Variants in UBR4 observed in about 807,000 individuals in gnomAD.
UBR4 encodes ubiquitin protein ligase E3 component n-recognin 4.
A neutral mutation model predicts 575.6 loss-of-function variants in UBR4; 124 were observed. That is an observed-to-expected ratio of 0.22 (90% CI 0.19 to 0.25). The LOEUF is 0.25. Among genes scored for constraint, UBR4 ranks in the 10% least tolerant of loss-of-function variants. UBR4 has a pLI of 1.00. For missense variants in UBR4, 4,818 were observed against 6,478.8 expected (o/e 0.74, Z 8.80); for synonymous variants, 2,455 against 2,473.7 (o/e 0.99, Z 0.22).
chr1:19,091,627 C>A (rs1264751946), intron 97 of UBR4, among the ~76,000 whole-genome samples: 1 of 152,230 alleles, frequency 6.6e-6, no homozygotes, highest in Non-Finnish European at 1.5e-5. Flanking sequence ...CACTGCACAT[C>A]TTCCAAACAG....
chr1:19,091,439 C>A (rs1188472109), intron 97 of UBR4, among the ~76,000 whole-genome samples: 1 of 152,142 alleles, frequency 6.6e-6, no homozygotes, highest in Non-Finnish European at 1.5e-5. Context: ...CAATGCAGAA[C>A]ACTACAAACA....
chr1:19,165,292 G>A lies in UBR4; in HGVS notation c.4269C>T (p.Phe1423=). Residue 1423 remains phenylalanine, a synonymous_variant, in exon 31 of 106, where the codon TTC becomes TTT. Transcript: ENST00000375254. The part of the protein sequence containing the change: ...ATANENLSAK[F]CNRVLKFFTK... ...TGAAGAATTTCAAAACTCGGTTACA[G>A]AATTTAGCAGAGAGGTTCTCATTGG... 1 of 1,614,186 alleles carries A rather than the reference G, an allele frequency of 6.2e-7. No individual in the cohort carries two copies. The highest frequency in any genetic ancestry group is 8.5e-7 in the Non-Finnish European group (1 of 1,180,022).
chr1:19,165,698 C>G lies in UBR4; in HGVS notation c.4169G>C (p.Ser1390Thr), dbSNP rs1254369175. 1 of 1,614,218 alleles carries G rather than the reference C, an allele frequency of 6.2e-7. No individual in the cohort carries two copies. Among genetic ancestry groups the G allele is most frequent in the East Asian group, 2.2e-5 (1 of 44,888 alleles). Residue 1390 changes from serine (S) to threonine (T), a missense_variant, in exon 30 of 106, where the codon AGT becomes ACT. Physicochemically the swap from Ser to Thr is moderately conservative, Grantham distance 58. Transcript: ENST00000375254. Reference sequence around the variant, plus strand: ...CTCCATAGCTTTACGAGCCTGGCTACTTTCCAGCTGCTTTTCCAAGTACTG... The same window carrying G: ...CTCCATAGCTTTACGAGCCTGGCTAGTTTCCAGCTGCTTTTCCAAGTACTG... Reference protein sequence around the residue: ...CLQYLEKQLESSQARKAMEEF... With the variant: ...CLQYLEKQLETSQARKAMEEF...
At chr1:19,158,542 C>T (rs933710289) in intron 39 of UBR4, among the ~76,000 whole-genome samples, 5 of 152,010 alleles carry the variant, frequency 3.3e-5, no homozygotes, top group South Asian at 4.2e-4. Context: ...ACTACAGCCT[C>T]GAATTCCCCG....
chr1:19,080,983 C>A, intron 103 of UBR4: 1 of 189,964 alleles, frequency 5.3e-6, no homozygotes, highest in Non-Finnish European at 1.1e-5. Context: ...CCCCATGTGG[C>A]CACACTGAAA....
At chr1:19,145,654 G>A (rs979716518) in intron 53 of UBR4, 139 bp downstream of exon 53, 15 of 1,116,624 alleles carry the variant, frequency 1.3e-5, no homozygotes, top group Non-Finnish European at 1.8e-5. Flanking sequence ...TTATCTCGCA[G>A]ACTTCTACTT....
In UBR4 at chr1:19,084,403, C is replaced by T. The variant is rs573789477; in HGVS notation, c.15008+101G>A. The stretch of plus-strand genomic sequence containing the variant: ...GCTGCCTTAGGCCAGACGCTTGCTC[C>T]GGAACTAGCATGAGAGGCTATGAAA... On this transcript the variant is annotated intron_variant, in intron 102 of 105. Transcript: ENST00000375254. 74 of 1,288,122 alleles carry T rather than the reference C, an allele frequency of 5.7e-5. 1 individual carries two copies. The highest frequency in any genetic ancestry group is 7.1e-5 in the Non-Finnish European group (66 of 935,518). 79.8% of individuals were successfully genotyped at this position (1,288,122 alleles called of 1,614,324 possible). A position where few individuals can be genotyped will look rare whatever the true frequency, so the allele number is the denominator to read the frequency against.
chr1:19,148,133 G>GCAAAAGACAGCAGGGTTAT lies in UBR4; in HGVS notation c.7495-25_7495-7dup, dbSNP rs1261657267. ...GCAGCATTCTTGTTTCTCTCCTAAG[G>GCAAAAGACAGCAGGGTTAT]CAAAAGACAGCAGGGTTATCACTAA... On this transcript the variant is annotated splice_region_variant and splice_polypyrimidine_tract_variant and intron_variant, in intron 50 of 105. Transcript: ENST00000375254. 1 of 1,601,138 alleles carries GCAAAAGACAGCAGGGTTAT rather than the reference G, an allele frequency of 6.2e-7. No homozygotes were observed. Among genetic ancestry groups the GCAAAAGACAGCAGGGTTAT allele is most frequent in the Non-Finnish European group, 8.5e-7 (1 of 1,176,444 alleles).
chr1:19,077,505 A>C (rs2076067187), intron 104 of UBR4, among the ~76,000 whole-genome samples: 1 of 152,214 alleles, frequency 6.6e-6, no homozygotes, highest in African/African-American at 2.4e-5. Context: ...AGGCCAAGGC[A>C]GGCGGATCAC....
In UBR4 at chr1:19,081,330, T is replaced by G; in HGVS notation, c.15233+19A>C. The G allele has an allele frequency of 6.4e-7, 1 of 1,554,306 alleles. No individual in the cohort carries two copies. ...TGATGGGAAATAGTGAGCAGCAGCT[T>G]CCGGAAGCAGGTACTGACCTGGTGG... On this transcript the variant is annotated intron_variant, in intron 103 of 105. Transcript: ENST00000375254.
chr1:19,165,559 T>C, intron 30 of UBR4, 97 bp downstream of exon 30: 1 of 1,329,948 alleles, frequency 7.5e-7, no homozygotes, highest in Non-Finnish European at 1.0e-6. Context: ...AGGCCTTAAA[T>C]ATTGCTGATA....
chr1:19,202,426 G>T (rs2092787058), intron 1 of UBR4, among the ~76,000 whole-genome samples: 1 of 152,132 alleles, frequency 6.6e-6, no homozygotes, highest in South Asian at 2.1e-4. Flanking sequence ...GGGCAGACCA[G>T]AATACTCAAT....
chr1:19,096,585 C>T lies in UBR4; in HGVS notation c.13456G>A (p.Glu4486Lys). 1 of 1,613,754 alleles carries T rather than the reference C, an allele frequency of 6.2e-7. No individual in the cohort carries two copies. The highest frequency in any genetic ancestry group is 1.1e-5 in the South Asian group (1 of 91,032). ...AGVMAQCGGLECMLNRLAGIR... is the reference protein window; with the variant it reads ...AGVMAQCGGLKCMLNRLAGIR... ...CCTGCGAGTCTGTTAAGCATGCATTCCAGGCCCCCACACTGGGCCATCACA... is the reference window on the plus strand; with the variant it reads ...CCTGCGAGTCTGTTAAGCATGCATTTCAGGCCCCCACACTGGGCCATCACA... The change falls in exon 92 of 106, where the codon GAA (glutamate) becomes AAA (lysine). Residue 4486 changes from glutamate to lysine, a missense_variant. Glu to Lys is a moderately conservative substitution (Grantham distance 56). Coordinates refer to ENST00000375254, the MANE Select transcript of UBR4 (RefSeq NM_020765.3).
intron 103 of UBR4, chr1:19,078,774 T>C (rs1163532521): frequency 6.6e-6 from 1 of 152,234 alleles, no homozygotes; most frequent in Non-Finnish European, 1.5e-5. Context: ...CCTTGGAATA[T>C]GGGGAGCGAC....
Position 19,074,711 on chromosome 1 carries a change from A to G in UBR4, c.*121T>C. On this transcript the variant is annotated 3_prime_UTR_variant, in exon 106 of 106. Transcript: ENST00000375254. ...CCCAAGCCACACCAAGAAAAATGAG[A>G]GAGGGGAGGGCGGGGTAACAATGCA... 8.8e-7 allele frequency: 1 copy of G among 1,142,318 alleles called. No homozygotes were observed. The highest frequency in any genetic ancestry group is 1.3e-6 in the Non-Finnish European group (1 of 781,388). The allele number at this position is 1,142,318 out of a possible 1,614,324, so 70.8% of individuals were successfully genotyped here.
Position 19,139,250 on chromosome 1 carries a change from T to C in UBR4, c.8594-30A>G. ...GAGAGTAACGAGAGCTGTTACAGGT[T>C]AAAAAACAAACAAACAAACAAACAA... On this transcript the variant is annotated intron_variant, in intron 58 of 105. Coordinates refer to ENST00000375254, the MANE Select transcript of UBR4 (RefSeq NM_020765.3). The surrounding 1 kb of genome is among the most constrained non-coding windows in gnomAD (Gnocchi z 4.2). 6.4e-7 allele frequency: 1 copy of C among 1,555,740 alleles called. No homozygotes were observed. Among genetic ancestry groups the C allele is most frequent in the African/African-American group, 1.4e-5 (1 of 72,442 alleles).
Position 19,139,137 on chromosome 1 carries a change from C to A in UBR4, c.8677G>T (p.Val2893Leu). ...GCACTGCCCCCGCTCTCCGAGCCCA[C>A]ACTACCACCGTGGTCAGCAGGAGAG... is the stretch of plus-strand genomic sequence containing the variant. ...RTSPADHGGS[V>L]GSESGGSAVD... Residue 2893 changes from valine (V) to leucine (L), a missense_variant, in exon 59 of 106, where the codon GTG becomes TTG. By Grantham distance (32) the Val-to-Leu change is conservative. This residue lies in a region of UBR4 where 57 missense variants were observed against 101.5 expected (regional missense o/e 0.56). Coordinates refer to ENST00000375254, the MANE Select transcript of UBR4 (RefSeq NM_020765.3). The surrounding 1 kb of genome is among the most constrained non-coding windows in gnomAD (Gnocchi z 4.2). The A allele has an allele frequency of 6.2e-7, 1 of 1,614,026 alleles. No homozygotes were observed. The highest frequency in any genetic ancestry group is 8.5e-7 in the Non-Finnish European group (1 of 1,179,946).
At chr1:19,170,914 A>G (rs760632557) in intron 25 of UBR4, 31 bp from the exon 26 acceptor site, 24 of 1,613,916 alleles carry the variant, frequency 1.5e-5, no homozygotes, top group Non-Finnish European at 1.9e-5. Flanking sequence ...AAGTGAAGCC[A>G]TAAGATTCTA....
At position 19,093,513 on chromosome 1, in the gene UBR4, G is replaced by T; in HGVS notation, c.13938-27C>A. 6.2e-7 allele frequency: 1 copy of T among 1,610,352 alleles called. No homozygotes were observed. The highest frequency in any genetic ancestry group is 2.2e-5 in the East Asian group (1 of 44,824). On this transcript the variant is annotated intron_variant, in intron 95 of 105. Coordinates refer to ENST00000375254, the MANE Select transcript of UBR4 (RefSeq NM_020765.3). This position sits in a 1 kb window ranked among gnomAD's most constrained non-coding sequence, Gnocchi z 4.8. ...TAGGAGGAAAGAGCAGAGTTTGAGG[G>T]TGTGAAAGGCGGGACAAAACCCAGT...
Sources: allele counts gnomAD v4.1 joint callset (sites outside exome capture counted in the v4.1 genomes callset), GRCh38; gene constraint gnomAD v4.1.1; regional missense constraint gnomAD v4.1.1; non-coding constraint Gnocchi (gnomAD v3.1); transcripts MANE v1.5; gene names NCBI Gene and HGNC (gene_info 2026-07-23, HGNC 2026-07-21).